Variants in GABPA observed in about 807,000 individuals in gnomAD.
GABPA encodes GA-binding protein alpha chain.
GABPA carries 4 observed loss-of-function variants against 59.4 expected under a neutral mutation model. That is an observed-to-expected ratio of 0.07 (90% CI 0.03 to 0.15). The LOEUF (loss-of-function observed/expected upper bound fraction) is 0.15, where lower values mean the gene tolerates loss of function less well. Among genes scored for constraint, GABPA ranks in the 10% least tolerant of loss-of-function variants. The probability of loss-of-function intolerance (pLI) is 1.00; values close to 1 mark genes in which losing one functional copy is unlikely to be tolerated. For missense variants in GABPA, 251 were observed against 543.8 expected (o/e 0.46, Z 5.36); for synonymous variants, 164 against 183.1 (o/e 0.90, Z 0.84).
In GABPA at chr21:25,762,482, TTTG is replaced by T. The variant is rs1318477040; in HGVS notation, c.802+120_802+122del. On this transcript the variant is annotated intron_variant, in intron 7 of 9. Transcript: ENST00000400075. ...TTTTTTTTCTACACACAAAATATCTTTTGTTCTGTGGAATGAAAGCTCGACACA... is the reference window on the plus strand; with the variant it reads ...TTTTTTTTCTACACACAAAATATCTTTTCTGTGGAATGAAAGCTCGACACA... 6 of 654,300 alleles carry T rather than the reference TTTG, an allele frequency of 9.2e-6. No individual in the cohort carries two copies. In the African/African-American group the frequency reaches 1.2e-4, roughly 13 times the overall value. 40.5% of individuals were successfully genotyped at this position (654,300 alleles called of 1,614,324 possible). A position where few individuals can be genotyped will look rare whatever the true frequency, so the allele number is the denominator to read the frequency against.
chr21:25,735,226 G>A lies in GABPA; in HGVS notation c.-379G>A. 3.4e-6 allele frequency: 2 copies of A among 582,572 alleles called. No individual in the cohort carries two copies. Among genetic ancestry groups the A allele is most frequent in the East Asian group, 2.9e-5 (1 of 34,938 alleles). 36.1% of individuals were successfully genotyped at this position (582,572 alleles called of 1,614,324 possible). Reference sequence around the variant, plus strand: ...AAGCTCCCCTCCGAGTCAGCGTCCTGTTCGTTAGGGTTATCGAAGTGTATA... The same window carrying A: ...AAGCTCCCCTCCGAGTCAGCGTCCTATTCGTTAGGGTTATCGAAGTGTATA... On this transcript the variant is annotated 5_prime_UTR_variant, in exon 1 of 10. Transcript: ENST00000400075.
intron 2 of GABPA, among the ~76,000 whole-genome samples, chr21:25,744,042 CA>C (rs1182340915): frequency 0.036 from 2,564 of 71,802 alleles, 13 homozygotes; most frequent in Non-Finnish European, 0.052. Flanking sequence ...GACTCTGTCT[CA>C]AAAAAAAAAA....
At chr21:25,761,318 C>T (rs1036286049) in intron 6 of GABPA, among the ~76,000 whole-genome samples, 2 of 152,086 alleles carry the variant, frequency 1.3e-5, no homozygotes, top group Admixed American at 6.6e-5. Context: ...TGAAAGAGGT[C>T]GGTAATTTTA....
chr21:25,740,692 C>T (rs543365906), intron 1 of GABPA, among the ~76,000 whole-genome samples: 62 of 152,280 alleles, frequency 4.1e-4, no homozygotes, highest in African/African-American at 1.2e-3. Context: ...AATAAAACCA[C>T]CTCTGAAAAA....
At chr21:25,765,694 A>G (rs2035874507) in intron 9 of GABPA, among the ~76,000 whole-genome samples, 1 of 151,878 alleles carries the variant, frequency 6.6e-6, no homozygotes, top group Non-Finnish European at 1.5e-5. Context: ...ATCCTTTACC[A>G]TTCAGTCTCA....
In GABPA at chr21:25,770,300, T is replaced by G. The variant is rs2035983851; in HGVS notation, c.*1068T>G. Reference sequence around the variant, plus strand: ...TTCCACTTGTTTTCCTTTTCCATATTATATATGTGTATTCATATAGCTGTA... The same window carrying G: ...TTCCACTTGTTTTCCTTTTCCATATGATATATGTGTATTCATATAGCTGTA... On this transcript the variant is annotated 3_prime_UTR_variant, in exon 10 of 10. Coordinates refer to ENST00000400075, the MANE Select transcript of GABPA (RefSeq NM_002040.4). 1 of 152,098 alleles carries G rather than the reference T, an allele frequency of 6.6e-6. No homozygotes were observed. The highest frequency in any genetic ancestry group is 2.1e-4 in the South Asian group (1 of 4,826). 9.4% of individuals were successfully genotyped at this position (152,098 alleles called of 1,614,324 possible).
chr21:25,764,918 A>G, intron 9 of GABPA, 131 bp downstream of exon 9: 2 of 599,320 alleles, frequency 3.3e-6, no homozygotes, highest in Non-Finnish European at 5.2e-6. Context: ...TTCTTTACAT[A>G]TTAAAAAACC....
intron 5 of GABPA, among the ~76,000 whole-genome samples, chr21:25,753,029 A>T (rs2035551976): frequency 6.6e-6 from 1 of 152,190 alleles, no homozygotes; most frequent in South Asian, 2.1e-4. Context: ...CTCAAGCTTC[A>T]TCTTGGTGAC....
In GABPA at chr21:25,762,293, AAAT is replaced by A; in HGVS notation, c.749-18_749-16del. 1 of 1,479,392 alleles carries A rather than the reference AAAT, an allele frequency of 6.8e-7. No homozygotes were observed. The highest frequency in any genetic ancestry group is 9.2e-7 in the Non-Finnish European group (1 of 1,085,366). 91.6% of individuals were successfully genotyped at this position (1,479,392 alleles called of 1,614,324 possible). A position where few individuals can be genotyped will look rare whatever the true frequency, so the allele number is the denominator to read the frequency against. ...ATTTTTGGTTTTAAATAAAAACAAA[AAAT>A]TTTTGTTTTTTTCAGATGTATTGGC... is the stretch of plus-strand genomic sequence containing the variant. On this transcript the variant is annotated splice_polypyrimidine_tract_variant and intron_variant, in intron 6 of 9. Coordinates refer to ENST00000400075, the MANE Select transcript of GABPA (RefSeq NM_002040.4).
At chr21:25,761,906 T>C (rs2035773554) in intron 6 of GABPA, among the ~76,000 whole-genome samples, 1 of 152,158 alleles carries the variant, frequency 6.6e-6, no homozygotes, top group Non-Finnish European at 1.5e-5. Context: ...TAACAAATAA[T>C]GGGAAGGAGG....
intron 5 of GABPA, among the ~76,000 whole-genome samples, chr21:25,753,965 A>C (rs1267621308): frequency 6.6e-6 from 1 of 152,118 alleles, no homozygotes; most frequent in Non-Finnish European, 1.5e-5. Flanking sequence ...AGTAAATGAG[A>C]GAGCTTACCC....
chr21:25,741,576 T>C lies in GABPA; in HGVS notation c.-23T>C, dbSNP rs767485177. On this transcript the variant is annotated 5_prime_UTR_variant, in exon 2 of 10. Transcript: ENST00000400075. ...TCTTAAAAAGTCACTCTTGCAGGAC[T>C]GATCCTTTGAAATACTCCAGCCATG... is the stretch of plus-strand genomic sequence containing the variant. 10 of 1,542,910 alleles carry C rather than the reference T, an allele frequency of 6.5e-6. No individual in the cohort carries two copies. Among genetic ancestry groups the C allele is most frequent in the Non-Finnish European group, 8.9e-6 (10 of 1,123,180 alleles).
intron 7 of GABPA, chr21:25,763,069 A>G: frequency 2.5e-6 from 1 of 394,762 alleles, no homozygotes; most frequent in South Asian, 2.5e-5. Flanking sequence ...TGCTAGAAGT[A>G]CAGTCTAGAA....
chr21:25,766,245 C>G (rs1218488213), intron 9 of GABPA, among the ~76,000 whole-genome samples: 2 of 151,948 alleles, frequency 1.3e-5, no homozygotes, highest in African/African-American at 4.8e-5. Context: ...TAAAAGTTGA[C>G]CTCTTGCTTA....
At chr21:25,750,001 G>A (rs901085997) in intron 4 of GABPA, among the ~76,000 whole-genome samples, 1 of 152,190 alleles carries the variant, frequency 6.6e-6, no homozygotes. Context: ...ACATTGTAGT[G>A]TATAGTGAAA....
chr21:25,743,388 A>G (rs529765375), intron 2 of GABPA, among the ~76,000 whole-genome samples: 18 of 152,158 alleles, frequency 1.2e-4, no homozygotes, highest in Non-Finnish European at 1.2e-4. Context: ...TCTAGCATGC[A>G]TATATTTATA....
At chr21:25,743,802 C>T (rs2035287642) in intron 2 of GABPA, among the ~76,000 whole-genome samples, 1 of 151,892 alleles carries the variant, frequency 6.6e-6, no homozygotes, top group South Asian at 2.1e-4. Context: ...CTTGTAATCC[C>T]AGCACTTTGG....
At chr21:25,763,003 G>A (rs148104793) in intron 7 of GABPA, 12 of 378,480 alleles carry the variant, frequency 3.2e-5, no homozygotes, top group Admixed American at 2.3e-4. Flanking sequence ...CTTTTCTCTC[G>A]CTTTGCCTTC....
chr21:25,745,073 GCCA>G, intron 2 of GABPA, 134 bp from the exon 3 acceptor site: 1 of 814,680 alleles, frequency 1.2e-6, no homozygotes, highest in Non-Finnish European at 2.0e-6. Flanking sequence ...TGATGAGCCT[GCCA>G]CAGTATCTAT....
Sources: allele counts gnomAD v4.1 joint callset (sites outside exome capture counted in the v4.1 genomes callset), GRCh38; gene constraint gnomAD v4.1.1; transcripts MANE v1.5; gene names NCBI Gene and HGNC (gene_info 2026-07-23, HGNC 2026-07-21).